KIAA1549: variants seen among roughly 807,000 people sequenced by gnomAD.
KIAA1549 encodes the protein UPF0606 protein KIAA1549.
KIAA1549 carries 70 observed loss-of-function variants against 156.4 expected under a neutral mutation model. The observed-to-expected ratio is 0.45, with a 90% CI of 0.37 to 0.55. KIAA1549 has a LOEUF of 0.55. KIAA1549 is among the 20% of genes least tolerant of loss of function. The probability of loss-of-function intolerance (pLI) is 0.00; values close to 1 mark genes in which losing one functional copy is unlikely to be tolerated. For synonymous variants in KIAA1549, 1,103 were observed against 1,066.4 expected, an observed-to-expected ratio of 1.03 and a Z score of -0.67; for missense variants, 2,428 against 2,540.9, an observed-to-expected ratio of 0.96 and a Z score of 0.96.
Position 138,840,229 on chromosome 7 carries a change from T to C in KIAA1549, c.5502A>G (p.Gly1834=). 1 of 1,587,686 alleles carries C rather than the reference T, an allele frequency of 6.3e-7. No homozygotes were observed. Among genetic ancestry groups the C allele is most frequent in the Non-Finnish European group, 8.6e-7 (1 of 1,167,132 alleles). The stretch of plus-strand genomic sequence containing the variant: ...TTGGCGGGATTTCCACTGGCTGAGC[T>C]CCAATTCTGCTGGCAATCCCCACCT... ...LTQVGIASRI[G]AQPVEIPPSR... Residue 1834 remains glycine, a synonymous_variant, in exon 19 of 20, where the codon GGA becomes GGG. Transcript: ENST00000422774.
intron 11 of KIAA1549, among the ~76,000 whole-genome samples, chr7:138,880,333 A>C (rs1158454331): frequency 6.6e-6 from 1 of 152,226 alleles, no homozygotes; most frequent in African/African-American, 2.4e-5. Context: ...GAAAAAAAAA[A>C]TACTTTGCAA....
intron 12 of KIAA1549, among the ~76,000 whole-genome samples, chr7:138,874,310 G>T (rs187923234): frequency 6.6e-6 from 1 of 152,070 alleles, no homozygotes; most frequent in African/African-American, 2.4e-5. Context: ...ATAGAGTCAA[G>T]ATACCTATTG....
Position 138,981,274 on chromosome 7 carries a change from G to C in KIAA1549, c.-5C>G. On this transcript the variant is annotated 5_prime_UTR_variant, in exon 1 of 20. Transcript: ENST00000422774. The surrounding 1 kb of genome is among the most constrained non-coding windows in gnomAD (Gnocchi z 4.5). ...TCGGCGCCGCGCCCCCGGCATTCCC[G>C]GCCGGCGCCCCGGCCCGGCCTCGCG... 2.0e-6 allele frequency: 2 copies of C among 977,254 alleles called. No individual in the cohort carries two copies. The highest frequency in any genetic ancestry group is 2.4e-6 in the Non-Finnish European group (2 of 825,248). The allele number at this position is 977,254 out of a possible 1,614,324, so 60.5% of individuals were successfully genotyped here.
chr7:138,945,341 T>C (rs1318740859), intron 1 of KIAA1549, among the ~76,000 whole-genome samples: 3 of 152,234 alleles, frequency 2.0e-5, no homozygotes, highest in Admixed American at 1.3e-4. Flanking sequence ...TCAGAGCTTC[T>C]TGAAAGGAGG....
intron 16 of KIAA1549, among the ~76,000 whole-genome samples, chr7:138,855,791 A>G (rs890149427): frequency 2.0e-5 from 3 of 152,068 alleles, no homozygotes; most frequent in African/African-American, 4.8e-5. Flanking sequence ...CTCATTCTCC[A>G]TAATAGGTCT....
chr7:138,968,232 T>C (rs893202793), intron 1 of KIAA1549, among the ~76,000 whole-genome samples: 3 of 152,134 alleles, frequency 2.0e-5, no homozygotes, highest in Non-Finnish European at 4.4e-5. Context: ...AAAGAGCTAA[T>C]GTATGCTGGG....
intron 13 of KIAA1549, 91 bp from the exon 14 acceptor site, chr7:138,869,852 G>A (rs1810876331): frequency 8.8e-6 from 8 of 906,516 alleles, no homozygotes; most frequent in Non-Finnish European, 1.3e-5. Flanking sequence ...TTATTTTTAT[G>A]TTTATTTATT....
chr7:138,886,024 C>CT (rs549604789), intron 10 of KIAA1549, among the ~76,000 whole-genome samples: 155 of 152,146 alleles, frequency 1.0e-3, no homozygotes, highest in African/African-American at 3.4e-3. Context: ...AAAGCCCCCC[C>CT]CCAAATTCGG....
At chr7:138,920,616 C>T (rs544758486) in intron 1 of KIAA1549, among the ~76,000 whole-genome samples, 6 of 152,226 alleles carry the variant, frequency 3.9e-5, no homozygotes, top group African/African-American at 2.4e-5. Flanking sequence ...GCCTCTCCAC[C>T]GATAATTCAG....
chr7:138,852,903 C>G (rs1294191952), intron 16 of KIAA1549, among the ~76,000 whole-genome samples: 1 of 152,202 alleles, frequency 6.6e-6, no homozygotes, highest in Non-Finnish European at 1.5e-5. Context: ...CATAAGGTGC[C>G]CCCGTATCCT....
At chr7:138,967,337 CG>C (rs1814059318) in intron 1 of KIAA1549, among the ~76,000 whole-genome samples, 1 of 152,094 alleles carries the variant, frequency 6.6e-6, no homozygotes, top group African/African-American at 2.4e-5. Context: ...TTTTTCACAT[CG>C]GGGTTAGGGA....
intron 2 of KIAA1549, among the ~76,000 whole-genome samples, chr7:138,915,579 G>C (rs1257551480): frequency 1.3e-5 from 2 of 151,850 alleles, no homozygotes; most frequent in Non-Finnish European, 2.9e-5. Context: ...CTGTCACAGT[G>C]AGCAGAGGCT....
chr7:138,956,120 C>T (rs1813656651), intron 1 of KIAA1549, among the ~76,000 whole-genome samples: 1 of 152,132 alleles, frequency 6.6e-6, no homozygotes, highest in African/African-American at 2.4e-5. Context: ...TCTTGAACTC[C>T]CGACCTCAAG....
chr7:138,934,181 C>G (rs576295231), intron 1 of KIAA1549, among the ~76,000 whole-genome samples: 1 of 151,918 alleles, frequency 6.6e-6, no homozygotes, highest in South Asian at 2.1e-4. Flanking sequence ...ACACCGAAGA[C>G]GAAAGGACCA....
rs1809591200 is a variant in KIAA1549 at position 138,833,202 on chromosome 7, G to A, written c.*4704C>T. On this transcript the variant is annotated 3_prime_UTR_variant, in exon 20 of 20. Coordinates refer to ENST00000422774, the MANE Select transcript of KIAA1549 (RefSeq NM_001164665.2). Reference sequence around the variant, plus strand: ...TAAAGTTAGCGTGGGAGTTAAGACCGGAGTCCTCCTTCCCCTGTGCCCAAA... The same window carrying A: ...TAAAGTTAGCGTGGGAGTTAAGACCAGAGTCCTCCTTCCCCTGTGCCCAAA... The A allele has an allele frequency of 1.3e-5, 3 of 232,552 alleles. No homozygotes were observed. In the East Asian group the frequency reaches 1.8e-4, roughly 14 times the overall value. The allele number at this position is 232,552 out of a possible 1,614,324, so 14.4% of individuals were successfully genotyped here. A position where few individuals can be genotyped will look rare whatever the true frequency, so the allele number is the denominator to read the frequency against.
chr7:138,943,087 G>A (rs1465741996), intron 1 of KIAA1549, among the ~76,000 whole-genome samples: 1 of 152,236 alleles, frequency 6.6e-6, no homozygotes, highest in Non-Finnish European at 1.5e-5. Context: ...CCACCGCGAG[G>A]AAGCTAAGGC....
intron 17 of KIAA1549, among the ~76,000 whole-genome samples, chr7:138,846,195 T>C (rs1037804501): frequency 6.6e-6 from 1 of 152,190 alleles, no homozygotes; most frequent in Non-Finnish European, 1.5e-5. Flanking sequence ...AAGAATATGA[T>C]GACTACTCAT....
chr7:138,884,878 C>T (rs896487808), intron 10 of KIAA1549, among the ~76,000 whole-genome samples: 1 of 152,212 alleles, frequency 6.6e-6, no homozygotes, highest in African/African-American at 2.4e-5. Context: ...ATTTCTTCTC[C>T]TGTAACTCCT....
chr7:138,842,487 G>T (rs997135807), intron 18 of KIAA1549, among the ~76,000 whole-genome samples: 2 of 152,182 alleles, frequency 1.3e-5, no homozygotes, highest in Non-Finnish European at 2.9e-5. Flanking sequence ...AGGAGTTCAC[G>T]ACCAGCCTAG....
Sources: allele counts gnomAD v4.1 joint callset (sites outside exome capture counted in the v4.1 genomes callset), GRCh38; gene constraint gnomAD v4.1.1; non-coding constraint Gnocchi (gnomAD v3.1); transcripts MANE v1.5; gene names NCBI Gene and HGNC (gene_info 2026-07-23, HGNC 2026-07-21).